The following ADAM9 variants were observed in gnomAD, a reference collection of about 807,000 sequenced individuals.
ADAM9 encodes disintegrin and metalloproteinase domain-containing protein 9.
Under a neutral mutation model 108.1 loss-of-function variants are expected in ADAM9, and 54 were observed. The ratio of observed to expected loss-of-function variants is 0.50; its 90% confidence interval spans 0.40 to 0.63. The LOEUF (loss-of-function observed/expected upper bound fraction) is 0.63. Among genes scored for constraint, ADAM9 ranks in the 20% least tolerant of loss-of-function variants. The probability of loss-of-function intolerance (pLI) is 0.00; values close to 1 mark genes in which losing one functional copy is unlikely to be tolerated. For synonymous variants in ADAM9, 316 were observed against 336.0 expected (o/e 0.94, Z 0.65); for missense variants, 830 against 997.7 (o/e 0.83, Z 2.26).
chr8:39,069,438 T>C (rs1037845049), intron 14 of ADAM9, among the ~76,000 whole-genome samples: 2 of 152,234 alleles, frequency 1.3e-5, no homozygotes, highest in African/African-American at 4.8e-5. Flanking sequence ...AGTCCTTCAC[T>C]AGCTCATGCA....
At chr8:39,070,328 G>T (rs2129441215) in intron 14 of ADAM9, among the ~76,000 whole-genome samples, 1 of 152,076 alleles carries the variant, frequency 6.6e-6, no homozygotes, top group South Asian at 2.1e-4. Context: ...TTTAGTTGTG[G>T]CCTCCATTTA....
chr8:39,037,040 T>C (rs1837298361), intron 11 of ADAM9, among the ~76,000 whole-genome samples: 1 of 148,720 alleles, frequency 6.7e-6, no homozygotes. Flanking sequence ...TACATATGCC[T>C]GCGCAAGTTC....
At position 39,031,416 on chromosome 8, in the gene ADAM9, A is replaced by C. The variant is rs79946460; in HGVS notation, c.1130+4606A>C. On this transcript the variant is annotated intron_variant, in intron 11 of 21. Transcript: ENST00000487273. Reference sequence around the variant, plus strand: ...GCTCTCTATCTTGTTCTCTTTATCTATCTGTCACCTTTTGCTAATAACACA... The same window carrying C: ...GCTCTCTATCTTGTTCTCTTTATCTCTCTGTCACCTTTTGCTAATAACACA... Among the ~76,000 whole-genome samples, 1,248 of 152,200 alleles carry C rather than the reference A, an allele frequency of 8.2e-3. 20 individuals carry two copies. The highest frequency in any genetic ancestry group is 0.029 in the African/African-American group (1,193 of 41,514).
intron 15 of ADAM9, among the ~76,000 whole-genome samples, chr8:39,074,712 A>G (rs1838798872): frequency 6.6e-6 from 1 of 152,032 alleles, no homozygotes; most frequent in South Asian, 2.1e-4. Flanking sequence ...TTTAGTTGTT[A>G]TGTCACTTAA....
chr8:39,052,042 G>C lies in ADAM9; in HGVS notation c.1303-2439G>C, dbSNP rs79793826. Among the ~76,000 whole-genome samples the C allele has an allele frequency of 1.8e-4, 27 of 152,140 alleles. No individual in the cohort carries two copies. The East Asian group carries it at 5.2e-3, about 29-fold the overall frequency. ...AAAGGTAGAATTATTGTATCTAAAA[G>C]CATGTACATTTTAACTTATATCAGA... On this transcript the variant is annotated intron_variant, in intron 12 of 21. Coordinates refer to ENST00000487273, the MANE Select transcript of ADAM9 (RefSeq NM_003816.3).
At chr8:39,008,949 GTAA>G (rs1438787128) in intron 2 of ADAM9, among the ~76,000 whole-genome samples, 6 of 152,102 alleles carry the variant, frequency 3.9e-5, no homozygotes, top group Admixed American at 2.0e-4. Context: ...ACAATGACAG[GTAA>G]TAATGCATAG....
intron 20 of ADAM9, among the ~76,000 whole-genome samples, chr8:39,097,816 CT>C (rs1424173972): frequency 6.6e-6 from 1 of 152,172 alleles, no homozygotes; most frequent in African/African-American, 2.4e-5. Context: ...TCTTTCTGTA[CT>C]TGTTTCCTCA....
chr8:39,102,092 A>AT (rs1839715842), intron 21 of ADAM9, among the ~76,000 whole-genome samples, 162 bp downstream of exon 21: 1 of 152,204 alleles, frequency 6.6e-6, no homozygotes, highest in South Asian at 2.1e-4. Context: ...CTTTATATAA[A>AT]TTTTATCATA....
chr8:39,041,114 T>C (rs535444143), intron 11 of ADAM9, among the ~76,000 whole-genome samples: 31 of 152,272 alleles, frequency 2.0e-4, no homozygotes, highest in African/African-American at 6.7e-4. Context: ...TAATGTGACA[T>C]GGATTCCTCA....
At chr8:39,074,904 T>A (rs1030702368) in intron 15 of ADAM9, among the ~76,000 whole-genome samples, 2 of 129,772 alleles carry the variant, frequency 1.5e-5, no homozygotes, top group Admixed American at 1.6e-4. Context: ...GCCCAAAATC[T>A]TTTTTTTTTT....
At chr8:39,042,260 T>C in intron 12 of ADAM9, 143 bp downstream of exon 12, 1 of 898,760 alleles carries the variant, frequency 1.1e-6, no homozygotes. Flanking sequence ...TTTGTATGGC[T>C]GTGTTCCAGG....
intron 2 of ADAM9, among the ~76,000 whole-genome samples, chr8:39,009,780 A>G (rs974474319): frequency 4.6e-5 from 7 of 151,572 alleles, no homozygotes; most frequent in Admixed American, 1.3e-4. Context: ...TTGAGTTACT[A>G]TTGTATGCTA....
chr8:39,044,918 GTA>G (rs771541652), intron 12 of ADAM9, among the ~76,000 whole-genome samples: 20 of 149,770 alleles, frequency 1.3e-4, no homozygotes, highest in East Asian at 5.9e-4. Flanking sequence ...ACATATGTAT[GTA>G]TATATGTGTG....
chr8:39,049,311 A>G (rs1227494244), intron 12 of ADAM9, among the ~76,000 whole-genome samples: 4 of 152,076 alleles, frequency 2.6e-5, no homozygotes. Context: ...CAGTATTTTT[A>G]AGCTGATAAC....
chr8:39,058,129 A>G (rs1340539611), intron 14 of ADAM9, among the ~76,000 whole-genome samples: 1 of 152,216 alleles, frequency 6.6e-6, no homozygotes, highest in Non-Finnish European at 1.5e-5. Context: ...AAATACTGGG[A>G]TATAAAATTA....
At chr8:39,013,303 T>TA (rs1251380440) in intron 3 of ADAM9, among the ~76,000 whole-genome samples, 1 of 152,188 alleles carries the variant, frequency 6.6e-6, no homozygotes, top group Non-Finnish European at 1.5e-5. Context: ...GTAAATATGA[T>TA]ATACTGTCAA....
At chr8:39,092,132 G>A (rs2129443217) in intron 20 of ADAM9, among the ~76,000 whole-genome samples, 1 of 152,174 alleles carries the variant, frequency 6.6e-6, no homozygotes, top group Non-Finnish European at 1.5e-5. Context: ...TGATCTGCAT[G>A]TATCCCTAAG....
chr8:39,027,545 A>G (rs967617890), intron 11 of ADAM9, among the ~76,000 whole-genome samples: 2 of 152,244 alleles, frequency 1.3e-5, no homozygotes, highest in Non-Finnish European at 2.9e-5. Flanking sequence ...AAAGTCAGGA[A>G]GTCAAAGCCT....
At chr8:39,015,184 T>A (rs1836487313) in intron 4 of ADAM9, 1 of 152,296 alleles carries the variant, frequency 6.6e-6, no homozygotes, top group Non-Finnish European at 1.5e-5. Context: ...TGAAGCTACT[T>A]TAATCTGTTT....
Sources: allele counts gnomAD v4.1 joint callset (sites outside exome capture counted in the v4.1 genomes callset), GRCh38; gene constraint gnomAD v4.1.1; transcripts MANE v1.5; gene names NCBI Gene and HGNC (gene_info 2026-07-23, HGNC 2026-07-21).